Variants in PDLIM5 observed in about 807,000 individuals in gnomAD.
PDLIM5 encodes PDZ and LIM domain protein 5.
A neutral mutation model predicts 64.2 loss-of-function variants in PDLIM5; 34 were observed. That is an observed-to-expected ratio of 0.53 (90% CI 0.40 to 0.71). The LOEUF is 0.71. PDLIM5 is among the 30% of genes least tolerant of loss of function. PDLIM5 has a pLI of 0.00. For synonymous variants in PDLIM5, 253 were observed against 269.1 expected, an observed-to-expected ratio of 0.94 and a Z score of 0.59; for missense variants, 683 against 733.6, an observed-to-expected ratio of 0.93 and a Z score of 0.80.
chr4:94,525,211 A>G (rs28548280), intron 3 of PDLIM5, among the ~76,000 whole-genome samples: 8,230 of 152,148 alleles, frequency 0.054, 499 homozygotes, highest in African/African-American at 0.15. Flanking sequence ...CTGAGGTCAG[A>G]AGTTTGAGAC....
intron 2 of PDLIM5, among the ~76,000 whole-genome samples, chr4:94,518,863 G>A (rs147549792): frequency 2.0e-5 from 3 of 152,078 alleles, no homozygotes; most frequent in South Asian, 2.1e-4. Flanking sequence ...CTTCTATACC[G>A]GTACTCTTCT....
At chr4:94,555,175 T>G (rs1733172134) in intron 3 of PDLIM5, among the ~76,000 whole-genome samples, 1 of 152,158 alleles carries the variant, frequency 6.6e-6, no homozygotes, top group Non-Finnish European at 1.5e-5. Context: ...CGCCTCAACC[T>G]CTTGAGTAGC....
At chr4:94,480,792 G>A (rs2126105875) in intron 2 of PDLIM5, among the ~76,000 whole-genome samples, 1 of 152,314 alleles carries the variant, frequency 6.6e-6, no homozygotes, top group Middle Eastern at 3.4e-3. Flanking sequence ...GCAGAGAAAA[G>A]CAGGGAAAAG....
rs1056773 is a variant in PDLIM5 at position 94,664,864 on chromosome 4, T to C, written c.*797T>C. 0.59 allele frequency: 501,922 copies of C among 850,146 alleles called. 150,191 individuals are homozygous for C. Among genetic ancestry groups the C allele is most frequent in the African/African-American group, 0.74 (40,212 of 54,566 alleles). The allele number at this position is 850,146 out of a possible 1,614,324, so 52.7% of individuals were successfully genotyped here. A position where few individuals can be genotyped will look rare whatever the true frequency, so the allele number is the denominator to read the frequency against. The stretch of plus-strand genomic sequence containing the variant: ...CAGCCTGGGTGACAGAGTGAGACTC[T>C]GTCTCCAAAAAAAAACTTTGCTTGT... On this transcript the variant is annotated 3_prime_UTR_variant, in exon 13 of 13. Transcript: ENST00000317968.
At chr4:94,549,307 G>T (rs1340127567) in intron 3 of PDLIM5, among the ~76,000 whole-genome samples, 1 of 152,084 alleles carries the variant, frequency 6.6e-6, no homozygotes, top group Admixed American at 6.5e-5. Flanking sequence ...CTCGATGTAT[G>T]CATTCTCATT....
chr4:94,658,098 G>T (rs1349245962), intron 11 of PDLIM5, among the ~76,000 whole-genome samples: 1 of 152,154 alleles, frequency 6.6e-6, no homozygotes, highest in Non-Finnish European at 1.5e-5. Flanking sequence ...TATTTTGCTT[G>T]AATTCCCAAT....
At chr4:94,624,289 A>C (rs1321277466) in intron 8 of PDLIM5, among the ~76,000 whole-genome samples, 10 of 152,064 alleles carry the variant, frequency 6.6e-5, no homozygotes, top group African/African-American at 2.4e-4. Context: ...CTGCACTCCA[A>C]CCTGGGTGAC....
At chr4:94,563,163 G>C (rs1023606597) in intron 3 of PDLIM5, among the ~76,000 whole-genome samples, 1 of 152,128 alleles carries the variant, frequency 6.6e-6, no homozygotes, top group East Asian at 1.9e-4. Flanking sequence ...AATTTAGCTG[G>C]CTTTTAAGTT....
chr4:94,507,979 T>C (rs1042612403), intron 2 of PDLIM5, among the ~76,000 whole-genome samples: 1 of 152,172 alleles, frequency 6.6e-6, no homozygotes, highest in African/African-American at 2.4e-5. Flanking sequence ...TTTCCCTAAC[T>C]GCTGTCAGCA....
rs926231683 is a variant in PDLIM5, at chr4:94,497,472, A to T, written c.97-26252A>T. On this transcript the variant is annotated intron_variant, in intron 2 of 12. Coordinates refer to ENST00000317968, the MANE Select transcript of PDLIM5 (RefSeq NM_006457.5). ...AGGACTTACACTCACTGAACTATAT[A>T]AAACATGATATGATTATTGATTTTA... 1.4e-4 allele frequency among the ~76,000 whole-genome samples: 22 copies of T among 152,346 alleles called. No homozygotes were observed. The Middle Eastern group carries it at 0.014, about 94-fold the overall frequency.
At chr4:94,518,950 G>A (rs6832572) in intron 2 of PDLIM5, among the ~76,000 whole-genome samples, 1,644 of 152,008 alleles carry the variant, frequency 0.011, 27 homozygotes, top group African/African-American at 0.036. Context: ...CACCAACATC[G>A]CTTTATTGCT....
At chr4:94,561,877 A>G (rs1460799925) in intron 3 of PDLIM5, among the ~76,000 whole-genome samples, 3 of 152,206 alleles carry the variant, frequency 2.0e-5, no homozygotes, top group Admixed American at 2.0e-4. Flanking sequence ...GGAACAACAC[A>G]TATAGTAATC....
Position 94,666,725 on chromosome 4 carries a change from A to C in PDLIM5, c.*2658A>C, listed in dbSNP as rs1387383455. Reference sequence around the variant, plus strand: ...ACATTAAGGATGTCATTTTCATCAGACCTTCTTTCTACATATTATTCATGA... The same window carrying C: ...ACATTAAGGATGTCATTTTCATCAGCCCTTCTTTCTACATATTATTCATGA... On this transcript the variant is annotated 3_prime_UTR_variant, in exon 13 of 13. Transcript: ENST00000317968. The C allele has an allele frequency of 6.6e-6, 1 of 152,198 alleles. No homozygotes were observed. Among genetic ancestry groups the C allele is most frequent in the Non-Finnish European group, 1.5e-5 (1 of 68,048 alleles). 9.4% of individuals were successfully genotyped at this position (152,198 alleles called of 1,614,324 possible).
intron 8 of PDLIM5, among the ~76,000 whole-genome samples, chr4:94,618,976 C>A (rs1739006713): frequency 6.6e-6 from 1 of 152,112 alleles, no homozygotes; most frequent in African/African-American, 2.4e-5. Context: ...CATCCAGGTT[C>A]CTTTCATTAC....
intron 2 of PDLIM5, among the ~76,000 whole-genome samples, chr4:94,472,992 G>A (rs1236950240): frequency 2.0e-5 from 3 of 152,172 alleles, no homozygotes; most frequent in Non-Finnish European, 2.9e-5. Flanking sequence ...AAAATAAATG[G>A]TGATAAAATG....
intron 3 of PDLIM5, among the ~76,000 whole-genome samples, chr4:94,525,513 C>G (rs891971017): frequency 1.3e-5 from 2 of 152,126 alleles, no homozygotes; most frequent in African/African-American, 4.8e-5. Context: ...TGGAGCCTCT[C>G]CTAGGAGTCG....
intron 3 of PDLIM5, among the ~76,000 whole-genome samples, chr4:94,550,261 A>G (rs1732695679): frequency 6.6e-6 from 1 of 152,176 alleles, no homozygotes; most frequent in African/African-American, 2.4e-5. Flanking sequence ...TATATAAAAT[A>G]CATTTTATTC....
rs59325015 is a variant in PDLIM5, at chr4:94,628,951, C to CTTTTCCTTTTTTT, written c.1108+10761_1108+10773dup. Among the ~76,000 whole-genome samples, 36 of 151,602 alleles carry CTTTTCCTTTTTTT rather than the reference C, an allele frequency of 2.4e-4. 1 individual carries two copies. Among genetic ancestry groups the CTTTTCCTTTTTTT allele is most frequent in the African/African-American group, 8.5e-4 (35 of 41,258 alleles). On this transcript the variant is annotated intron_variant, in intron 8 of 12. Transcript: ENST00000317968. ...ATTTCAATTTTATTCTTTTTTATTT[C>CTTTTCCTTTTTTT]TTTTCCTTTTTTTAAGAAAATGAAG...
intron 3 of PDLIM5, among the ~76,000 whole-genome samples, chr4:94,564,656 C>CCTTT (rs1553959064): frequency 4.8e-5 from 5 of 104,542 alleles, no homozygotes; most frequent in Non-Finnish European, 9.0e-5. Context: ...AATTTTGTCT[C>CCTTT]TTTTTTTTTT....
Sources: gnomAD v4.1 joint callset for allele counts (sites outside exome capture counted in the v4.1 genomes callset) on GRCh38, gnomAD v4.1.1 for gene constraint, MANE v1.5 for transcripts, NCBI Gene and HGNC (gene_info 2026-07-23, HGNC 2026-07-21) for gene names.